Variants in ISLR2 observed in about 807,000 individuals in gnomAD.
ISLR2 encodes immunoglobulin superfamily containing leucine-rich repeat protein 2.
In ISLR2, 16 loss-of-function variants were observed where a neutral mutation model predicts 25.5. The observed-to-expected ratio is 0.63, with a 90% CI of 0.43 to 0.95. The LOEUF (loss-of-function observed/expected upper bound fraction) is 0.95. Among genes scored for constraint, ISLR2 ranks in the 40% least tolerant of loss-of-function variants. The pLI is 0.00. For missense variants in ISLR2, 883 were observed against 1,030.7 expected, an observed-to-expected ratio of 0.86 and a Z score of 1.96; for synonymous variants, 508 against 486.6, an observed-to-expected ratio of 1.04 and a Z score of -0.58.
At position 74,134,504 on chromosome 15, in the gene ISLR2, A is replaced by G; in HGVS notation, c.1750A>G (p.Lys584Glu). ...CCACGTGCAAGTGGTGTTTTCCACC[A>G]AGAAGGAGCTCCCATCGCTGCTGGT... ...ACHVQVVFST[K>E]KELPSLLVIV... The change falls in exon 3 of 3, where the codon AAG (lysine) becomes GAG (glutamate). Residue 584 changes from lysine (K) to glutamate (E), a missense_variant. Physicochemically the swap from Lys to Glu is moderately conservative, Grantham distance 56 (BLOSUM62 1). Around this residue, in one of 2 missense-constraint regions of ISLR2, gnomAD observed 612 missense variants for 642.8 expected, o/e 0.95. Coordinates refer to ENST00000453268, the MANE Select transcript of ISLR2 (RefSeq NM_020851.3). 6.2e-7 allele frequency: 1 copy of G among 1,613,816 alleles called. No individual in the cohort carries two copies. The highest frequency in any genetic ancestry group is 8.5e-7 in the Non-Finnish European group (1 of 1,179,992).
chr15:74,126,894 ATTTGTGTGTG>A (rs1567158183), upstream of ISLR2: 1 of 113,336 alleles, frequency 8.8e-6, no homozygotes, highest in East Asian at 2.8e-4. Context: ...TGGAGAGAAC[ATTTGTGTGTG>A]TGTGTGTGTG....
rs2072543554 is a variant in ISLR2 at position 74,135,193 on chromosome 15, T to G, written c.*201T>G. On this transcript the variant is annotated 3_prime_UTR_variant, in exon 3 of 3. Transcript: ENST00000453268. ...AGTCCCTGCTACCCACGGCTGCCAT[T>G]CTCCCTGCGGGCTGAATCCCCTTCC... 1.6e-6 allele frequency: 1 copy of G among 644,832 alleles called. No homozygotes were observed. The highest frequency in any genetic ancestry group is 2.7e-6 in the Non-Finnish European group (1 of 367,980). 39.9% of individuals were successfully genotyped at this position (644,832 alleles called of 1,614,324 possible).
At chr15:74,141,121 G>A (rs2072608733), downstream of ISLR2, among the ~76,000 whole-genome samples, 1 of 152,176 alleles carries the variant, frequency 6.6e-6, no homozygotes, top group African/African-American at 2.4e-5. Context: ...TTTAAAGACA[G>A]GACGATTTTG....
chr15:74,140,125 A>G (rs2072603972), downstream of ISLR2, among the ~76,000 whole-genome samples: 1 of 152,172 alleles, frequency 6.6e-6, no homozygotes, highest in African/African-American at 2.4e-5. Context: ...AGCTGAAATG[A>G]GAACCATCTT....
In ISLR2 at chr15:74,133,288, C is replaced by G. The variant is rs757634554; in HGVS notation, c.534C>G (p.Leu178=). ...DALSALSHLQ[L]YHNPFHCGCG... ...TTAGCGCGCTGTCACACTTGCAACT[C>G]TATCACAATCCCTTCCACTGCGGCT... Residue 178 remains leucine, a synonymous_variant, in exon 3 of 3, where the codon CTC becomes CTG. Transcript: ENST00000453268. 2 of 1,611,112 alleles carry G rather than the reference C, an allele frequency of 1.2e-6. No individual in the cohort carries two copies. Among genetic ancestry groups the G allele is most frequent in the Non-Finnish European group, 1.7e-6 (2 of 1,179,980 alleles).
chr15:74,126,203 G>T (rs555700083), upstream of ISLR2: 9 of 152,152 alleles, frequency 5.9e-5, no homozygotes, highest in African/African-American at 2.2e-4. Flanking sequence ...TCAAACTTGT[G>T]TCCCACTCTG....
At chr15:74,109,829 T>C (rs2072152005) in intron 2 of ISLR2, among the ~76,000 whole-genome samples, 1 of 152,160 alleles carries the variant, frequency 6.6e-6, no homozygotes, top group Non-Finnish European at 1.5e-5. Context: ...AGGGTTTTGC[T>C]CTGTCTCCCA....
intron 2 of ISLR2, among the ~76,000 whole-genome samples, chr15:74,118,100 AT>A (rs2072224954): frequency 1.3e-5 from 2 of 152,090 alleles, no homozygotes; most frequent in African/African-American, 4.8e-5. Context: ...GTTCTTTTCT[AT>A]TTTCCCTAAG....
chr15:74,105,727 A>G (rs1385684304), intron 2 of ISLR2, among the ~76,000 whole-genome samples: 2 of 151,948 alleles, frequency 1.3e-5, no homozygotes, highest in Non-Finnish European at 2.9e-5. Flanking sequence ...AATAAACCAG[A>G]ATGTGCAAAG....
rs1487268578 is a variant in ISLR2, at chr15:74,134,436, G to C, written c.1682G>C (p.Gly561Ala). ...TACTGGTTCCGCGGCCTGCGGCCGG[G>C]TACCAACTACTCCGTGTGCCTGGCG... ...NAYWFRGLRP[G>A]TNYSVCLALA... Residue 561 changes from glycine to alanine, a missense_variant, in exon 3 of 3, where the codon GGT becomes GCT. Transcript: ENST00000453268. 1.2e-6 allele frequency: 2 copies of C among 1,612,088 alleles called. No homozygotes were observed. The highest frequency in any genetic ancestry group is 1.1e-5 in the South Asian group (1 of 90,940).
chr15:74,135,283 A>G lies in ISLR2; in HGVS notation c.*291A>G. The G allele has an allele frequency of 2.6e-6, 1 of 383,230 alleles. No homozygotes were observed. The allele number at this position is 383,230 out of a possible 1,614,324, so 23.7% of individuals were successfully genotyped here. Reference sequence around the variant, plus strand: ...CACCCGCAGACGGTGGGCGATATCTATGTCCCTCCATTCCCGTCGCGATTA... The same window carrying G: ...CACCCGCAGACGGTGGGCGATATCTGTGTCCCTCCATTCCCGTCGCGATTA... On this transcript the variant is annotated 3_prime_UTR_variant, in exon 3 of 3. Transcript: ENST00000453268.
intron 2 of ISLR2, among the ~76,000 whole-genome samples, chr15:74,117,566 C>T (rs2072220584): frequency 6.6e-6 from 1 of 152,000 alleles, no homozygotes; most frequent in Admixed American, 6.6e-5. Context: ...GCCTGTAATC[C>T]CAGCTACTTG....
At position 74,132,689 on chromosome 15, in the gene ISLR2, G is replaced by A. The variant is rs1187221538; in HGVS notation, c.-8-58G>A. ...TGCGGAGGCACAGCTTGATAGGGGA[G>A]GTAAGCTGGGGTTCAGTGAGTCACC... is the stretch of plus-strand genomic sequence containing the variant. On this transcript the variant is annotated intron_variant, in intron 2 of 2. Transcript: ENST00000453268. The surrounding 1 kb of genome is among the most constrained non-coding windows in gnomAD (Gnocchi z 4.3). 6.5e-7 allele frequency: 1 copy of A among 1,550,256 alleles called. No homozygotes were observed.
At chr15:74,139,662 C>G (rs755359756), downstream of ISLR2, among the ~76,000 whole-genome samples, 4 of 152,188 alleles carry the variant, frequency 2.6e-5, no homozygotes, top group Non-Finnish European at 5.9e-5. Context: ...CTGGCAAGTT[C>G]TCTGGGAGAA....
upstream of ISLR2, among the ~76,000 whole-genome samples, chr15:74,123,370 C>A (rs1325067759): frequency 6.6e-6 from 1 of 152,150 alleles, no homozygotes; most frequent in Non-Finnish European, 1.5e-5. Flanking sequence ...TGGCAGCCTG[C>A]GGCCCAAAAG....
At chr15:74,116,879 T>A (rs1354461878) in intron 2 of ISLR2, among the ~76,000 whole-genome samples, 1 of 152,214 alleles carries the variant, frequency 6.6e-6, no homozygotes, top group Non-Finnish European at 1.5e-5. Context: ...CCCTGGGCTC[T>A]TCCTACTATA....
At chr15:74,128,323 C>A (rs1040935844), upstream of ISLR2, 2 of 413,640 alleles carry the variant, frequency 4.8e-6, no homozygotes, top group Admixed American at 3.4e-5. Context: ...GGGCGTCTTT[C>A]CCCCAGGGCA....
chr15:74,111,697 C>T (rs562287657), intron 2 of ISLR2, among the ~76,000 whole-genome samples: 41 of 151,608 alleles, frequency 2.7e-4, no homozygotes, highest in Non-Finnish European at 4.7e-4. Context: ...TCAGCCTCCA[C>T]GTAGCTGGAA....
At chr15:74,136,893 CT>C (rs2072575722), downstream of ISLR2, 1 of 163,902 alleles carries the variant, frequency 6.1e-6, no homozygotes, top group East Asian at 1.9e-4. Context: ...CCCCCAGAGC[CT>C]CCCGTTGGAA....
Sources: allele counts gnomAD v4.1 joint callset (sites outside exome capture counted in the v4.1 genomes callset), GRCh38; gene constraint gnomAD v4.1.1; regional missense constraint gnomAD v4.1.1; non-coding constraint Gnocchi (gnomAD v3.1); transcripts MANE v1.5; gene names NCBI Gene and HGNC (gene_info 2026-07-23, HGNC 2026-07-21).